Variants in AMOTL2 observed in about 807,000 individuals in gnomAD.
AMOTL2 encodes the protein angiomotin-like protein 2.
AMOTL2 carries 33 observed loss-of-function variants against 78.4 expected under a neutral mutation model. The observed-to-expected ratio is 0.42, with a 90% confidence interval of 0.32 to 0.56. The LOEUF (loss-of-function observed/expected upper bound fraction) is 0.56, where lower values mean the gene tolerates loss of function less well. Among genes scored for constraint, AMOTL2 ranks in the 20% least tolerant of loss-of-function variants. The pLI, the probability that AMOTL2 is intolerant of heterozygous loss-of-function variation, is 0.12. For synonymous variants in AMOTL2, 422 were observed against 428.8 expected, an observed-to-expected ratio of 0.98 and a Z score of 0.20; for missense variants, 983 against 1,030.1, an observed-to-expected ratio of 0.95 and a Z score of 0.63.
chr3:134,366,940 C>T lies in AMOTL2; in HGVS notation c.1042-513G>A, dbSNP rs558838673. The T allele has an allele frequency of 7.1e-5, 11 of 155,266 alleles. No individual in the cohort carries two copies. The South Asian group carries it at 2.0e-3, about 29-fold the overall frequency. 9.6% of individuals were successfully genotyped at this position (155,266 alleles called of 1,614,324 possible). On this transcript the variant is annotated intron_variant, in intron 3 of 9. Transcript: ENST00000249883. ...TAACCCTTCACTAAAGAAGCGGGCA[C>T]CAGGCAGAGCTGCCTCTGCCTGGTG...
At chr3:134,362,644 G>GT (rs537362626) in intron 5 of AMOTL2, among the ~76,000 whole-genome samples, 2 of 152,374 alleles carry the variant, frequency 1.3e-5, no homozygotes, top group South Asian at 4.1e-4. Context: ...AGATTAGTGT[G>GT]TAAGGGTCAA....
At chr3:134,361,971 C>T (rs2107738853) in intron 5 of AMOTL2, among the ~76,000 whole-genome samples, 164 bp from the exon 6 acceptor site, 1 of 152,348 alleles carries the variant, frequency 6.6e-6, no homozygotes, top group South Asian at 2.1e-4. Flanking sequence ...GAAGAAGAAA[C>T]CAAGGCTCAT....
At chr3:134,366,734 G>A (rs2017622350) in intron 3 of AMOTL2, 2 of 273,368 alleles carry the variant, frequency 7.3e-6, no homozygotes, top group South Asian at 6.7e-5. Context: ...TGTGCCCAGT[G>A]TCCAGAAGGA....
At position 134,365,700 on chromosome 3, in the gene AMOTL2, A is replaced by G. The variant is rs971176311; in HGVS notation, c.1279+117T>C. The G allele has an allele frequency of 1.5e-5, 14 of 915,672 alleles. No homozygotes were observed. In the Admixed American group the frequency reaches 2.9e-4, roughly 19 times the overall value. The allele number at this position is 915,672 out of a possible 1,614,324, so 56.7% of individuals were successfully genotyped here. ...GTGTTGGGCATACAGTGGGCAGTAA[A>G]CCTGCTCCCAAAGTACTACTTTGCA... On this transcript the variant is annotated intron_variant, in intron 5 of 9. Transcript: ENST00000249883.
rs771658743 is a variant in AMOTL2 at position 134,371,080 on chromosome 3, C to T, written c.354G>A (p.Ala118=). The T allele has an allele frequency of 7.4e-6, 12 of 1,611,446 alleles. No homozygotes were observed. The highest frequency in any genetic ancestry group is 3.3e-5 in the South Asian group (3 of 90,426). Residue 118 remains alanine, a synonymous_variant, in exon 2 of 10, where the codon GCG becomes GCA. Transcript: ENST00000249883. ...GTGGCCGGGTCCCTGCCTGCTGGGC[C>T]GCATAGTACTGCGAGTGGGCTTTGG... ...EEAKAHSQYY[A]AQQAGTRPHA...
chr3:134,374,390 C>G lies in AMOTL2; in HGVS notation c.-110G>C, dbSNP rs2018008419. On this transcript the variant is annotated 5_prime_UTR_variant, in exon 1 of 10. Coordinates refer to ENST00000249883, the MANE Select transcript of AMOTL2 (RefSeq NM_016201.4). Reference sequence around the variant, plus strand: ...CGCAGTCAGACACCACAACCTCCGGCTCGGCCCAGCTCAGCTCGGCGGCGA... The same window carrying G: ...CGCAGTCAGACACCACAACCTCCGGGTCGGCCCAGCTCAGCTCGGCGGCGA... 1.0e-6 allele frequency: 1 copy of G among 985,390 alleles called. No individual in the cohort carries two copies. The highest frequency in any genetic ancestry group is 1.2e-6 in the Non-Finnish European group (1 of 829,910). The allele number at this position is 985,390 out of a possible 1,614,324, so 61.0% of individuals were successfully genotyped here.
In AMOTL2 at chr3:134,356,701, C is replaced by T. The variant is rs926543091; in HGVS notation, c.*1004G>A. The T allele has an allele frequency of 6.6e-6, 1 of 152,558 alleles. No homozygotes were observed. The highest frequency in any genetic ancestry group is 2.4e-5 in the African/African-American group (1 of 41,398). 9.5% of individuals were successfully genotyped at this position (152,558 alleles called of 1,614,324 possible). ...CAGAAAGAACTGGTACCGGGTAGGG[C>T]CACCGAAGCCCACCTGGGGGCATGG... On this transcript the variant is annotated 3_prime_UTR_variant, in exon 10 of 10. Transcript: ENST00000249883.
chr3:134,360,886 G>C (rs948024907), intron 6 of AMOTL2, among the ~76,000 whole-genome samples: 1 of 152,186 alleles, frequency 6.6e-6, no homozygotes, highest in Non-Finnish European at 1.5e-5. Flanking sequence ...ATAAAAGCTG[G>C]CTGGTGGCCA....
rs139392204 is a variant in AMOTL2, at chr3:134,371,061, G to A, written c.373C>T (p.Arg125Trp). Residue 125 changes from arginine to tryptophan, a missense_variant, in exon 2 of 10, where the codon CGG (arginine) becomes TGG (tryptophan). Arg to Trp is a moderately radical substitution (Grantham distance 101). Coordinates refer to ENST00000249883, the MANE Select transcript of AMOTL2 (RefSeq NM_016201.4). ...QYYAAQQAGTRPHAGDRDPRG... is the reference protein window; with the variant it reads ...QYYAAQQAGTWPHAGDRDPRG... ...GGATCTCGGTCCCCCGCATGTGGCC[G>A]GGTCCCTGCCTGCTGGGCCGCATAG... is the stretch of plus-strand genomic sequence containing the variant. The A allele has an allele frequency of 2.2e-5, 36 of 1,610,106 alleles. No individual in the cohort carries two copies. The highest frequency in any genetic ancestry group is 1.7e-4 in the Middle Eastern group (1 of 6,054).
At chr3:134,365,555 C>T (rs1039077364) in intron 5 of AMOTL2, among the ~76,000 whole-genome samples, 2 of 152,246 alleles carry the variant, frequency 1.3e-5, no homozygotes, top group African/African-American at 4.8e-5. Context: ...CACCGAAGCT[C>T]AGCAAATCAC....
At position 134,370,721 on chromosome 3, in the gene AMOTL2, T is replaced by C. The variant is rs1217262008; in HGVS notation, c.713A>G (p.His238Arg). Residue 238 changes from histidine to arginine, a missense_variant, in exon 2 of 10, where the codon CAC becomes CGC. His to Arg is a conservative substitution (Grantham distance 29). Coordinates refer to ENST00000249883, the MANE Select transcript of AMOTL2 (RefSeq NM_016201.4). ...TTACCTGACTTCAGCATGCTGGAAG[T>C]GCGGGCTGCCGCGGGCACGGTACCG... ...DPRYRARGSP[H>R]FQHAEVRILQ... The C allele has an allele frequency of 2.0e-6, 3 of 1,510,470 alleles. No individual in the cohort carries two copies. The highest frequency in any genetic ancestry group is 1.3e-5 in the South Asian group (1 of 74,194). The allele number at this position is 1,510,470 out of a possible 1,614,324, so 93.6% of individuals were successfully genotyped here.
At chr3:134,363,397 G>A (rs1402010342) in intron 5 of AMOTL2, among the ~76,000 whole-genome samples, 2 of 152,318 alleles carry the variant, frequency 1.3e-5, no homozygotes, top group East Asian at 3.9e-4. Context: ...TTGAGGAGGG[G>A]CAGCCAGGTT....
In AMOTL2 at chr3:134,361,733, G is replaced by A. The variant is rs761943709; in HGVS notation, c.1354C>T (p.Arg452Trp). 2.5e-6 allele frequency: 4 copies of A among 1,606,276 alleles called. No individual in the cohort carries two copies. Among genetic ancestry groups the A allele is most frequent in the Non-Finnish European group, 3.4e-6 (4 of 1,176,586 alleles). The change falls in exon 6 of 10, where the codon CGG becomes TGG. Residue 452 changes from arginine to tryptophan, a missense_variant. Arg to Trp is a moderately radical substitution (Grantham distance 101). Coordinates refer to ENST00000249883, the MANE Select transcript of AMOTL2 (RefSeq NM_016201.4). ...TGCTCCAGCAGCTCGGCACGCCGCCGCTGGTCCTCGATGGCGCCGCGCAGC... is the reference window on the plus strand; with the variant it reads ...TGCTCCAGCAGCTCGGCACGCCGCCACTGGTCCTCGATGGCGCCGCGCAGC... ...ALLRGAIEDQRRRAELLEQAL... is the reference protein window; with the variant it reads ...ALLRGAIEDQWRRAELLEQAL...
intron 1 of AMOTL2, among the ~76,000 whole-genome samples, chr3:134,373,333 G>A (rs1252073484): frequency 6.6e-6 from 1 of 152,082 alleles, no homozygotes; most frequent in African/African-American, 2.4e-5. Context: ...CGGCAGGAAG[G>A]AATGCGGAGC....
chr3:134,360,316 T>C lies in AMOTL2; in HGVS notation c.1673A>G (p.Gln558Arg). ...CATGTCGGCCTCCAGCGCCAGGATC[T>C]GCTCCTCCTTCTCTCGCAGTTGTTC... ...LSEQLREKEEQILALEADMTK... is the reference protein window; with the variant it reads ...LSEQLREKEERILALEADMTK... Residue 558 changes from glutamine (Q) to arginine (R), a missense_variant, in exon 7 of 10, where the codon CAG becomes CGG. Physicochemically the swap from Gln to Arg is conservative, Grantham distance 43 (BLOSUM62 1). Coordinates refer to ENST00000249883, the MANE Select transcript of AMOTL2 (RefSeq NM_016201.4). The C allele has an allele frequency of 6.2e-7, 1 of 1,614,260 alleles. No individual in the cohort carries two copies. Among genetic ancestry groups the C allele is most frequent in the East Asian group, 2.2e-5 (1 of 44,890 alleles).
intron 5 of AMOTL2, among the ~76,000 whole-genome samples, chr3:134,364,861 G>T (rs574208674): frequency 6.6e-6 from 1 of 152,072 alleles, no homozygotes; most frequent in Non-Finnish European, 1.5e-5. Context: ...CAAACACCTT[G>T]AACAGCACTA....
At chr3:134,371,650 A>T in intron 1 of AMOTL2, 156 bp from the exon 2 acceptor site, 1 of 1,244,734 alleles carries the variant, frequency 8.0e-7, no homozygotes. Flanking sequence ...TTCAAGTACC[A>T]GTGCTGCCAT....
In AMOTL2 at chr3:134,366,404, G is replaced by C. The variant is rs1273103642; in HGVS notation, c.1065C>G (p.Leu355=). The C allele has an allele frequency of 1.9e-6, 3 of 1,613,174 alleles. No individual in the cohort carries two copies. The highest frequency in any genetic ancestry group is 2.5e-6 in the Non-Finnish European group (3 of 1,179,904). The change falls in exon 4 of 10, where the codon CTC becomes CTG. Residue 355 remains leucine, a synonymous_variant. Transcript: ENST00000249883. ...IEKLESEIQR[L]SEAHESLTRA... is the part of the protein sequence containing the mutation. ...TGGTCAGGCTCTCATGGGCCTCAGA[G>C]AGCCGCTGGATTTCGCTTTCCAGCT... is the stretch of plus-strand genomic sequence containing the variant.
chr3:134,370,153 A>G (rs1202532731), intron 2 of AMOTL2, among the ~76,000 whole-genome samples: 1 of 152,226 alleles, frequency 6.6e-6, no homozygotes, highest in Non-Finnish European at 1.5e-5. Context: ...CGCAGGGAGC[A>G]TATGGCAGGA....
Sources: gnomAD v4.1 joint callset for allele counts (sites outside exome capture counted in the v4.1 genomes callset) on GRCh38, gnomAD v4.1.1 for gene constraint, MANE v1.5 for transcripts, NCBI Gene and HGNC (gene_info 2026-07-23, HGNC 2026-07-21) for gene names.